ATXN2: variants seen among roughly 807,000 people sequenced by gnomAD.
The protein encoded by ATXN2 is ataxin-2.
In ATXN2, 37 loss-of-function variants were observed where a neutral mutation model predicts 138.6. The ratio of observed to expected loss-of-function variants is 0.27; its 90% CI spans 0.21 to 0.35. ATXN2 has a LOEUF of 0.35. Ranked by LOEUF, ATXN2 falls within the 10% of genes least tolerant of loss-of-function variation. The probability of loss-of-function intolerance (pLI) is 1.00; values close to 1 mark genes in which losing one functional copy is unlikely to be tolerated. For synonymous variants in ATXN2, 549 were observed against 543.7 expected, an observed-to-expected ratio of 1.01 and a Z score of -0.13; for missense variants, 1,216 against 1,480.3, an observed-to-expected ratio of 0.82 and a Z score of 2.93.
chr12:111,579,686 T>C (rs1034653891), intron 1 of ATXN2, among the ~76,000 whole-genome samples: 10 of 150,892 alleles, frequency 6.6e-5, no homozygotes, highest in Non-Finnish European at 1.2e-4. Context: ...TAACATGCAA[T>C]AGTACAGACG....
chr12:111,453,275 T>C lies in ATXN2; in HGVS notation c.3439+402A>G, dbSNP rs1874807363. Reference sequence around the variant, plus strand: ...AAGCCAGTCCATCCACAGCGCTTTCTCAGCAGTATCTTCTCCAGAGCTACA... The same window carrying C: ...AAGCCAGTCCATCCACAGCGCTTTCCCAGCAGTATCTTCTCCAGAGCTACA... On this transcript the variant is annotated intron_variant, in intron 24 of 24. Transcript: ENST00000673436. The surrounding 1 kb of genome is among the most constrained non-coding windows in gnomAD (Gnocchi z 5.4). The C allele has an allele frequency of 9.4e-7, 1 of 1,059,560 alleles. No individual in the cohort carries two copies. Among genetic ancestry groups the C allele is most frequent in the Non-Finnish European group, 1.1e-6 (1 of 878,552 alleles). 65.6% of individuals were successfully genotyped at this position (1,059,560 alleles called of 1,614,324 possible).
At position 111,520,016 on chromosome 12, in the gene ATXN2, C is replaced by T. The variant is rs1166871547; in HGVS notation, c.849G>A (p.Gln283=). ...CACTTGACTCAATTTCTTCTGCTAACTGGTTTGCCCTTGCTTCCCGTTTTA... is the reference window on the plus strand; with the variant it reads ...CACTTGACTCAATTTCTTCTGCTAATTGGTTTGCCCTTGCTTCCCGTTTTA... The part of the protein sequence containing the change: ...EFLKREARAN[Q]LAEEIESSAQ... Residue 283 remains glutamine, a synonymous_variant, in exon 8 of 25, where the codon CAG becomes CAA. Transcript: ENST00000673436. 6.2e-7 allele frequency: 1 copy of T among 1,614,168 alleles called. No homozygotes were observed. The highest frequency in any genetic ancestry group is 1.1e-5 in the South Asian group (1 of 91,082).
chr12:111,570,045 C>T (rs780462133), intron 1 of ATXN2, among the ~76,000 whole-genome samples: 8 of 152,104 alleles, frequency 5.3e-5, no homozygotes, highest in Non-Finnish European at 1.2e-4. Flanking sequence ...AAATTTTAAT[C>T]AACATAATTT....
chr12:111,577,403 T>C lies in ATXN2; in HGVS notation c.251+21381A>G, dbSNP rs536658040. 3.4e-3 allele frequency among the ~76,000 whole-genome samples: 523 copies of C among 151,956 alleles called. 2 individuals are homozygous for C. The highest frequency in any genetic ancestry group is 0.012 in the African/African-American group (493 of 41,486). ...GCCTCAGCCTCCCGAGTAGCTGGGATTACAGGCGCCCGCCACCACACCCGG... is the reference window on the plus strand; with the variant it reads ...GCCTCAGCCTCCCGAGTAGCTGGGACTACAGGCGCCCGCCACCACACCCGG... On this transcript the variant is annotated intron_variant, in intron 1 of 24. Transcript: ENST00000673436.
At chr12:111,486,006 A>G in intron 16 of ATXN2, 141 bp from the exon 17 acceptor site, 1 of 671,072 alleles carries the variant, frequency 1.5e-6, no homozygotes, top group Non-Finnish European at 2.2e-6. Context: ...CACAGCACAT[A>G]AATTTTCACA....
intron 18 of ATXN2, among the ~76,000 whole-genome samples, chr12:111,473,021 C>G (rs1226700419): frequency 6.6e-6 from 1 of 151,982 alleles, no homozygotes; most frequent in Non-Finnish European, 1.5e-5. Flanking sequence ...GCCTGTAGTC[C>G]CACCACTTTG....
Position 111,541,735 on chromosome 12 carries a change from T to C in ATXN2, c.571+10545A>G, listed in dbSNP as rs1025745137. ...AGTTCTTCTGTTAATACACATAATC[T>C]AATAAGCTTTAGAATCATTTTGTCA... On this transcript the variant is annotated intron_variant, in intron 5 of 24. Transcript: ENST00000673436. Among the ~76,000 whole-genome samples the C allele has an allele frequency of 1.3e-5, 2 of 149,072 alleles. 1 individual carries two copies. Among genetic ancestry groups the C allele is most frequent in the Non-Finnish European group, 3.0e-5 (2 of 66,678 alleles).
At chr12:111,525,884 G>A (rs886581728) in intron 5 of ATXN2, among the ~76,000 whole-genome samples, 1 of 151,708 alleles carries the variant, frequency 6.6e-6, no homozygotes, top group Admixed American at 6.6e-5. Context: ...GGGTTTCACC[G>A]TGTTAGCCAG....
At chr12:111,553,064 A>C (rs1300276545) in intron 3 of ATXN2, 87 bp from the exon 4 acceptor site, 1 of 796,582 alleles carries the variant, frequency 1.3e-6, no homozygotes, top group Non-Finnish European at 1.9e-6. Flanking sequence ...TTTATACCTC[A>C]TCAGGCTTCA....
Position 111,598,607 on chromosome 12 carries a change from C to T in ATXN2, c.251+177G>A, listed in dbSNP as rs1234739230. The T allele has an allele frequency of 5.2e-6, 5 of 969,914 alleles. No individual in the cohort carries two copies. Among genetic ancestry groups the T allele is most frequent in the Non-Finnish European group, 6.1e-6 (5 of 815,356 alleles). 60.1% of individuals were successfully genotyped at this position (969,914 alleles called of 1,614,324 possible). A position where few individuals can be genotyped will look rare whatever the true frequency, so the allele number is the denominator to read the frequency against. On this transcript the variant is annotated intron_variant, in intron 1 of 24. Coordinates refer to ENST00000673436, the MANE Select transcript of ATXN2 (RefSeq NM_001372574.1). The surrounding 1 kb of genome is among the most constrained non-coding windows in gnomAD (Gnocchi z 4.5). ...ACAGGCCTGACAATCCCAGAGGACCCCGGCTGCGCCCACCGGCCGAGCCTC... is the reference window on the plus strand; with the variant it reads ...ACAGGCCTGACAATCCCAGAGGACCTCGGCTGCGCCCACCGGCCGAGCCTC...
chr12:111,518,323 A>T lies in ATXN2; in HGVS notation c.1091T>A (p.Met364Lys). 1 of 1,613,382 alleles carries T rather than the reference A, an allele frequency of 6.2e-7. No individual in the cohort carries two copies. The highest frequency in any genetic ancestry group is 8.5e-7 in the Non-Finnish European group (1 of 1,179,470). ...AGTGTGAGAAGTGGATCTTGATGGC[A>T]TGGAGCCCGATCCAGGCTGGCCCAT... is the stretch of plus-strand genomic sequence containing the variant. ...PRMGQPGSGS[M>K]PSRSTSHTSD... Residue 364 changes from methionine (M) to lysine (K), a missense_variant, in exon 9 of 25, where the codon ATG becomes AAG. Physicochemically the swap from Met to Lys is moderately conservative, Grantham distance 95. Transcript: ENST00000673436.
At chr12:111,478,912 G>T (rs914122264) in intron 18 of ATXN2, among the ~76,000 whole-genome samples, 1 of 152,056 alleles carries the variant, frequency 6.6e-6, no homozygotes, top group Non-Finnish European at 1.5e-5. Flanking sequence ...GGGAGGCTGA[G>T]GCGGGAGAAT....
At chr12:111,470,963 C>T in intron 18 of ATXN2, 1 of 545,244 alleles carries the variant, frequency 1.8e-6, no homozygotes. Flanking sequence ...GATAATTCTG[C>T]TTCATCCTTC....
chr12:111,476,367 T>A (rs768829267), intron 18 of ATXN2, among the ~76,000 whole-genome samples: 1 of 152,050 alleles, frequency 6.6e-6, no homozygotes, highest in Non-Finnish European at 1.5e-5. Context: ...CACCTAACTG[T>A]ATGCTTAATA....
At chr12:111,460,105 G>C (rs1230839565) in intron 21 of ATXN2, among the ~76,000 whole-genome samples, 1 of 151,826 alleles carries the variant, frequency 6.6e-6, no homozygotes, top group East Asian at 1.9e-4. Context: ...GTTTTGAGAC[G>C]GAGTCTCGCT....
intron 6 of ATXN2, among the ~76,000 whole-genome samples, chr12:111,521,457 C>T (rs912539925): frequency 2.6e-5 from 4 of 152,286 alleles, no homozygotes; most frequent in African/African-American, 7.2e-5. Context: ...AAGGGAGAAG[C>T]CAACGCTTTC....
chr12:111,486,127 TTAAAAA>T (rs1282483662), intron 16 of ATXN2, among the ~76,000 whole-genome samples: 2 of 152,176 alleles, frequency 1.3e-5, no homozygotes, highest in Non-Finnish European at 2.9e-5. Context: ...TTTTTAAAAA[TTAAAAA>T]TAAATATATC....
chr12:111,476,627 T>A (rs1183247470), intron 18 of ATXN2, among the ~76,000 whole-genome samples: 1 of 152,214 alleles, frequency 6.6e-6, no homozygotes, highest in Non-Finnish European at 1.5e-5. Context: ...GTTGAAAGTT[T>A]TTAAAATATA....
At chr12:111,506,661 T>A (rs993922457) in intron 14 of ATXN2, among the ~76,000 whole-genome samples, 6 of 131,144 alleles carry the variant, frequency 4.6e-5, no homozygotes, top group African/African-American at 1.7e-4. Context: ...TCCTTCTCCT[T>A]CTCCCCACGG....
Sources: allele counts gnomAD v4.1 joint callset (sites outside exome capture counted in the v4.1 genomes callset), GRCh38; gene constraint gnomAD v4.1.1; non-coding constraint Gnocchi (gnomAD v3.1); transcripts MANE v1.5; gene names NCBI Gene and HGNC (gene_info 2026-07-23, HGNC 2026-07-21).